The following LYRM9 variants were observed in gnomAD, a reference collection of about 807,000 sequenced individuals.
LYRM9 encodes LYR motif containing 9.
Under a neutral mutation model 12.6 loss-of-function variants are expected in LYRM9, and 14 were observed. That is an observed-to-expected ratio of 1.11 (90% confidence interval 0.73 to 1.73). The LOEUF (loss-of-function observed/expected upper bound fraction) is 1.73, where lower values mean the gene tolerates loss of function less well. Among genes scored for constraint, LYRM9 ranks in the 40% most tolerant of loss-of-function variants. The probability of loss-of-function intolerance (pLI) is 0.00; values close to 1 mark genes in which losing one functional copy is unlikely to be tolerated. For missense variants in LYRM9, 94 were observed against 95.0 expected, an observed-to-expected ratio of 0.99 and a Z score of 0.04; for synonymous variants, 42 against 35.1, an observed-to-expected ratio of 1.20 and a Z score of -0.69.
chr17:27,881,920 C>A (rs904498405), intron 2 of LYRM9, among the ~76,000 whole-genome samples: 38 of 152,074 alleles, frequency 2.5e-4, no homozygotes, highest in Admixed American at 1.1e-3. Flanking sequence ...AATCCTCCCA[C>A]CTCATTGTTT....
At chr17:27,887,933 C>G (rs946652483) in intron 1 of LYRM9, among the ~76,000 whole-genome samples, 1 of 152,158 alleles carries the variant, frequency 6.6e-6, no homozygotes, top group African/African-American at 2.4e-5. Flanking sequence ...AATTCTCTTA[C>G]TCAGGGGAGG....
At chr17:27,883,019 T>C (rs1379043077) in intron 1 of LYRM9, 1 of 496,312 alleles carries the variant, frequency 2.0e-6, no homozygotes, top group East Asian at 6.1e-5. Flanking sequence ...CAGGGTAGGG[T>C]AGAAAAGCAG....
At position 27,880,305 on chromosome 17, in the gene LYRM9, G is replaced by A; in HGVS notation, c.188C>T (p.Ala63Val). Residue 63 changes from alanine (A) to valine (V), a missense_variant, in exon 3 of 4, where the codon GCC becomes GTC. Transcript: ENST00000379102. ...CATGATCCAGTCAGCATCTTCAATGGCTCTTTTAATAATCTGCTGGATTCT... is the reference window on the plus strand; with the variant it reads ...CATGATCCAGTCAGCATCTTCAATGACTCTTTTAATAATCTGCTGGATTCT... ...PERIQQIIKR[A>V]IEDADWIMNK... 3 of 1,610,508 alleles carry A rather than the reference G, an allele frequency of 1.9e-6. No individual in the cohort carries two copies. The highest frequency in any genetic ancestry group is 2.5e-6 in the Non-Finnish European group (3 of 1,178,286).
intron 2 of LYRM9, 83 bp downstream of exon 2, chr17:27,882,486 T>C: frequency 6.9e-7 from 1 of 1,439,958 alleles, no homozygotes; most frequent in Non-Finnish European, 9.1e-7. Context: ...AGACTAGCTC[T>C]GTGCCCTGGC....
At position 27,880,286 on chromosome 17, in the gene LYRM9, C is replaced by A; in HGVS notation, c.207G>T (p.Trp69Cys). 1.2e-6 allele frequency: 2 copies of A among 1,608,486 alleles called. No individual in the cohort carries two copies. Among genetic ancestry groups the A allele is most frequent in the Non-Finnish European group, 1.7e-6 (2 of 1,177,252 alleles). ...GCCAAGCACCTACTTTGTTCATGAT[C>A]CAGTCAGCATCTTCAATGGCTCTTT... Reference protein sequence around the residue: ...IIKRAIEDADWIMNKYKKQN With the variant: ...IIKRAIEDADCIMNKYKKQN The change falls in exon 3 of 4, where the codon TGG becomes TGT. Residue 69 changes from tryptophan to cysteine, a missense_variant. By Grantham distance (215) the Trp-to-Cys change is radical. Coordinates refer to ENST00000379102, the MANE Select transcript of LYRM9 (RefSeq NM_001076680.3).
chr17:27,881,791 A>C (rs1905066718), intron 2 of LYRM9, among the ~76,000 whole-genome samples: 1 of 143,878 alleles, frequency 7.0e-6, no homozygotes, highest in Non-Finnish European at 1.5e-5. Flanking sequence ...TTCCAATTTC[A>C]TGCACTGCCC....
chr17:27,888,752 C>T (rs749996877), intron 1 of LYRM9, among the ~76,000 whole-genome samples: 33 of 152,146 alleles, frequency 2.2e-4, no homozygotes, highest in Admixed American at 1.0e-3. Flanking sequence ...AATAAAAAAT[C>T]GCTTTAAAAA....
chr17:27,880,310 T>A lies in LYRM9; in HGVS notation c.183A>T (p.Lys61Asn). The change falls in exon 3 of 4, where the codon AAA becomes AAT. Residue 61 changes from lysine to asparagine, a missense_variant. Coordinates refer to ENST00000379102, the MANE Select transcript of LYRM9 (RefSeq NM_001076680.3). ...DNPERIQQII[K>N]RAIEDADWIM... ...TCCAGTCAGCATCTTCAATGGCTCT[T>A]TTAATAATCTGCTGGATTCTCTCAG... The A allele has an allele frequency of 6.2e-7, 1 of 1,610,752 alleles. No homozygotes were observed.
chr17:27,890,442 C>T (rs769554789), intron 1 of LYRM9, among the ~76,000 whole-genome samples: 2 of 151,926 alleles, frequency 1.3e-5, no homozygotes, highest in African/African-American at 4.8e-5. Flanking sequence ...ATCAATTACA[C>T]AGATAAAGGA....
At chr17:27,881,718 T>A (rs1218047359) in intron 2 of LYRM9, among the ~76,000 whole-genome samples, 1 of 152,156 alleles carries the variant, frequency 6.6e-6, no homozygotes, top group Non-Finnish European at 1.5e-5. Context: ...TTCTCTGACA[T>A]AACCACAGTA....
In LYRM9 at chr17:27,878,815, G is replaced by A; in HGVS notation, c.*658C>T. On this transcript the variant is annotated 3_prime_UTR_variant, in exon 4 of 4. Coordinates refer to ENST00000379102, the MANE Select transcript of LYRM9 (RefSeq NM_001076680.3). The stretch of plus-strand genomic sequence containing the variant: ...AGTAGTCAGGAAAAGCAGCTCCTTG[G>A]CAGACTGCTGGGTGTGTGACAACTG... The A allele has an allele frequency of 6.6e-6, 1 of 152,480 alleles. No individual in the cohort carries two copies. The highest frequency in any genetic ancestry group is 1.5e-5 in the Non-Finnish European group (1 of 68,118). 9.4% of individuals were successfully genotyped at this position (152,480 alleles called of 1,614,324 possible). A position where few individuals can be genotyped will look rare whatever the true frequency, so the allele number is the denominator to read the frequency against.
At chr17:27,883,783 A>T (rs1485003716) in intron 1 of LYRM9, among the ~76,000 whole-genome samples, 2 of 146,494 alleles carry the variant, frequency 1.4e-5, no homozygotes, top group Non-Finnish European at 3.0e-5. Flanking sequence ...CACAGCTAAT[A>T]AAGCTGGAGC....
intron 1 of LYRM9, chr17:27,892,596 A>C (rs189923588): frequency 3.4e-4 from 117 of 347,276 alleles, no homozygotes; most frequent in African/African-American, 2.5e-3. Flanking sequence ...CAGAATAGGC[A>C]AAAGTACAGA....
chr17:27,888,594 T>C (rs1905314915), intron 1 of LYRM9, among the ~76,000 whole-genome samples: 1 of 152,112 alleles, frequency 6.6e-6, no homozygotes, highest in African/African-American at 2.4e-5. Flanking sequence ...CAGCCTCCTT[T>C]CAAATAGTTC....
chr17:27,881,677 T>C (rs573522754), intron 2 of LYRM9, among the ~76,000 whole-genome samples: 1 of 152,302 alleles, frequency 6.6e-6, no homozygotes, highest in South Asian at 2.1e-4. Context: ...CCCCTAAACA[T>C]TCCCATGTGT....
Position 27,879,433 on chromosome 17 carries a change from C to T in LYRM9, c.*40G>A, listed in dbSNP as rs370992418. 1.3e-6 allele frequency: 2 copies of T among 1,546,892 alleles called. No homozygotes were observed. Among genetic ancestry groups the T allele is most frequent in the African/African-American group, 2.7e-5 (2 of 72,740 alleles). On this transcript the variant is annotated 3_prime_UTR_variant, in exon 4 of 4. Coordinates refer to ENST00000379102, the MANE Select transcript of LYRM9 (RefSeq NM_001076680.3). Reference sequence around the variant, plus strand: ...CTGCTGAGCTCCAGAAGAGGGGCCTCTCAACTTCCAGAGGCCAGGAAGGCT... The same window carrying T: ...CTGCTGAGCTCCAGAAGAGGGGCCTTTCAACTTCCAGAGGCCAGGAAGGCT...
intron 1 of LYRM9, among the ~76,000 whole-genome samples, chr17:27,891,500 T>C (rs1215535100): frequency 6.6e-6 from 1 of 152,210 alleles, no homozygotes; most frequent in Non-Finnish European, 1.5e-5. Context: ...CTAACTGTTA[T>C]TGTTAATACC....
rs1904957527 is a variant in LYRM9, at chr17:27,879,358, T to C, written c.*115A>G. The stretch of plus-strand genomic sequence containing the variant: ...GGAGCAAGGTCAGCTTCTCCCCTGA[T>C]TTCTGGCTTTCAGCCAACAAGGCCA... On this transcript the variant is annotated 3_prime_UTR_variant, in exon 4 of 4. Coordinates refer to ENST00000379102, the MANE Select transcript of LYRM9 (RefSeq NM_001076680.3). The C allele has an allele frequency of 8.2e-7, 1 of 1,217,230 alleles. No homozygotes were observed. 75.4% of individuals were successfully genotyped at this position (1,217,230 alleles called of 1,614,324 possible).
chr17:27,884,071 C>T (rs553824784), intron 1 of LYRM9, among the ~76,000 whole-genome samples: 3 of 149,132 alleles, frequency 2.0e-5, no homozygotes, highest in Non-Finnish European at 4.5e-5. Flanking sequence ...CCCAGGCAAC[C>T]GCTGCATTTT....
Sources: allele counts gnomAD v4.1 joint callset (sites outside exome capture counted in the v4.1 genomes callset), GRCh38; gene constraint gnomAD v4.1.1; transcripts MANE v1.5; gene names NCBI Gene and HGNC (gene_info 2026-07-23, HGNC 2026-07-21).